The following MTFR2 variants were observed in gnomAD, a reference collection of about 807,000 sequenced individuals.
MTFR2 encodes the protein DUF729 domain-containing protein 1.
Under a neutral mutation model 41.2 loss-of-function variants are expected in MTFR2, and 44 were observed. The ratio of observed to expected loss-of-function variants is 1.07; its 90% CI spans 0.84 to 1.37. The LOEUF is 1.37. Ranked by LOEUF, MTFR2 falls within the 40% of genes most tolerant of loss-of-function variation. The pLI is 0.00. For synonymous variants in MTFR2, 141 were observed against 154.6 expected (o/e 0.91, Z 0.65); for missense variants, 452 against 459.5 (o/e 0.98, Z 0.15).
chr6:136,246,091 T>G (rs1265597827), intron 2 of MTFR2, among the ~76,000 whole-genome samples: 1 of 152,190 alleles, frequency 6.6e-6, no homozygotes, highest in African/African-American at 2.4e-5. Context: ...ACAACAGGCA[T>G]AGAGGCTTTG....
chr6:136,249,020 T>C lies in MTFR2; in HGVS notation c.63+17A>G. On this transcript the variant is annotated intron_variant, in intron 2 of 7. Transcript: ENST00000420702. The stretch of plus-strand genomic sequence containing the variant: ...AACAAATACAACAGATCCATTCCAA[T>C]CCAAAACGACATTTACCTGTTCTAC... 1 of 1,596,408 alleles carries C rather than the reference T, an allele frequency of 6.3e-7. No homozygotes were observed. Among genetic ancestry groups the C allele is most frequent in the Non-Finnish European group, 8.5e-7 (1 of 1,173,108 alleles).
chr6:136,243,321 T>C (rs1307999804), intron 3 of MTFR2, among the ~76,000 whole-genome samples: 14 of 152,190 alleles, frequency 9.2e-5, no homozygotes, highest in African/African-American at 3.1e-4. Context: ...TGGGGTCACA[T>C]AAGATTATGA....
chr6:136,242,849 A>C lies in MTFR2; in HGVS notation c.281+12T>G. On this transcript the variant is annotated intron_variant, in intron 4 of 7. Transcript: ENST00000420702. ...TTATAGCCCACTTCCCAAGATAAGC[A>C]TATAAAATTACCGAAATCTGAGATA... The C allele has an allele frequency of 1.3e-6, 2 of 1,591,168 alleles. No homozygotes were observed. The highest frequency in any genetic ancestry group is 2.2e-5 in the South Asian group (2 of 89,328).
In MTFR2 at chr6:136,241,433, C is replaced by A; in HGVS notation, c.514+11G>T. 2 of 1,600,106 alleles carry A rather than the reference C, an allele frequency of 1.2e-6. No individual in the cohort carries two copies. The highest frequency in any genetic ancestry group is 8.5e-7 in the Non-Finnish European group (1 of 1,170,904). On this transcript the variant is annotated intron_variant, in intron 5 of 7. Coordinates refer to ENST00000420702, the MANE Select transcript of MTFR2 (RefSeq NM_001099286.3). Reference sequence around the variant, plus strand: ...TCATCTAACTGAAACAAAAATCCTACTGTTACTTACTAGAATTTGTACTAT... The same window carrying A: ...TCATCTAACTGAAACAAAAATCCTAATGTTACTTACTAGAATTTGTACTAT...
intron 7 of MTFR2, 84 bp downstream of exon 7, chr6:136,233,241 C>T (rs1779812785): frequency 8.2e-7 from 1 of 1,220,500 alleles, no homozygotes; most frequent in East Asian, 2.5e-5. Flanking sequence ...ACAATTACTT[C>T]AAGAGAACTT....
intron 6 of MTFR2, among the ~76,000 whole-genome samples, chr6:136,233,846 C>T (rs1167848713): frequency 2.7e-5 from 4 of 149,198 alleles, no homozygotes; most frequent in Non-Finnish European, 4.4e-5. Context: ...GACGAGAGTT[C>T]ATGCCAAAAA....
At chr6:136,240,905 C>A (rs575263098) in intron 5 of MTFR2, among the ~76,000 whole-genome samples, 19 of 152,212 alleles carry the variant, frequency 1.2e-4, no homozygotes, top group Middle Eastern at 3.4e-3. Context: ...TCCTGGCTAA[C>A]ACGGTGAAAC....
At chr6:136,234,282 G>A (rs1441807639) in intron 6 of MTFR2, among the ~76,000 whole-genome samples, 4 of 145,970 alleles carry the variant, frequency 2.7e-5, no homozygotes, top group Non-Finnish European at 6.0e-5. Flanking sequence ...TCCAGCCTGG[G>A]TGACAGAGCA....
intron 2 of MTFR2, among the ~76,000 whole-genome samples, chr6:136,246,579 G>C (rs1421565273): frequency 6.6e-6 from 1 of 152,062 alleles, no homozygotes; most frequent in African/African-American, 2.4e-5. Context: ...CACCACATCT[G>C]GCCATCTTCA....
In MTFR2 at chr6:136,239,661, C is replaced by T. The variant is rs768039487; in HGVS notation, c.674G>A (p.Cys225Tyr). 1.2e-6 allele frequency: 2 copies of T among 1,613,876 alleles called. No homozygotes were observed. The highest frequency in any genetic ancestry group is 1.3e-5 in the African/African-American group (1 of 74,854). Residue 225 changes from cysteine to tyrosine, a missense_variant, in exon 6 of 8, where the codon TGT (cysteine) becomes TAT (tyrosine). By Grantham distance (194) the Cys-to-Tyr change is radical. Transcript: ENST00000420702. ...PPQFSSLQPPCFPPVQPGSNN... is the reference protein window; with the variant it reads ...PPQFSSLQPPYFPPVQPGSNN... ...AGATCCTGGTTGTACGGGAGGAAAA[C>T]ACGGTGGCTGGAGAGATGAAAACTG... is the stretch of plus-strand genomic sequence containing the variant.
intron 2 of MTFR2, among the ~76,000 whole-genome samples, chr6:136,245,209 C>T (rs1301507831): frequency 6.6e-6 from 1 of 152,086 alleles, no homozygotes; most frequent in African/African-American, 2.4e-5. Flanking sequence ...TGCATCCCCT[C>T]CCCCAGCTAC....
chr6:136,245,700 T>C (rs1200470917), intron 2 of MTFR2, among the ~76,000 whole-genome samples: 1 of 152,242 alleles, frequency 6.6e-6, no homozygotes, highest in Non-Finnish European at 1.5e-5. Flanking sequence ...GCGTTTTGAT[T>C]GTGACCCATC....
At chr6:136,238,943 C>CT (rs1356723370) in intron 6 of MTFR2, among the ~76,000 whole-genome samples, 10 of 152,064 alleles carry the variant, frequency 6.6e-5, no homozygotes, top group African/African-American at 2.2e-4. Flanking sequence ...TGGCACATGC[C>CT]TATAGTCCCA....
At chr6:136,243,715 A>C (rs1433179104) in intron 3 of MTFR2, among the ~76,000 whole-genome samples, 1 of 103,332 alleles carries the variant, frequency 9.7e-6, no homozygotes, top group Non-Finnish European at 1.6e-5. Flanking sequence ...ACCTTATCTT[A>C]AAAAAAAAAA....
chr6:136,233,142 T>C, intron 7 of MTFR2, 183 bp downstream of exon 7: 1 of 470,010 alleles, frequency 2.1e-6, no homozygotes, highest in Non-Finnish European at 3.7e-6. Flanking sequence ...CATGATAGGC[T>C]AAAAGTGAAA....
At chr6:136,232,257 C>CT (rs1377674174) in intron 7 of MTFR2, among the ~76,000 whole-genome samples, 1 of 151,840 alleles carries the variant, frequency 6.6e-6, no homozygotes, top group Admixed American at 6.6e-5. Flanking sequence ...CACTCTTTTT[C>CT]TTTTTTTGTT....
At chr6:136,235,025 G>T (rs1331887367) in intron 6 of MTFR2, among the ~76,000 whole-genome samples, 1 of 152,198 alleles carries the variant, frequency 6.6e-6, no homozygotes, top group Non-Finnish European at 1.5e-5. Flanking sequence ...TAGTAGCTGG[G>T]ATTACAGGTG....
At chr6:136,231,669 T>TAAAAAAAA (rs71006791) in intron 7 of MTFR2, among the ~76,000 whole-genome samples, 3 of 82,922 alleles carry the variant, frequency 3.6e-5, no homozygotes, top group African/African-American at 9.4e-5. Context: ...AAAAACTATG[T>TAAAAAAAA]AAAAAAAAAA....
intron 3 of MTFR2, 67 bp downstream of exon 3, chr6:136,244,698 A>G: frequency 9.1e-7 from 1 of 1,099,158 alleles, no homozygotes; most frequent in Non-Finnish European, 1.4e-6. Context: ...GTTCTACCCC[A>G]TACCTGTAAG....
Sources: gnomAD v4.1 joint callset for allele counts (sites outside exome capture counted in the v4.1 genomes callset) on GRCh38, gnomAD v4.1.1 for gene constraint, MANE v1.5 for transcripts, NCBI Gene and HGNC (gene_info 2026-07-23, HGNC 2026-07-21) for gene names.